The following GATA5 variants were observed in gnomAD, a reference collection of about 807,000 sequenced individuals.
GATA5 encodes GATA binding protein 5.
A neutral mutation model predicts 35.0 loss-of-function variants in GATA5; 27 were observed. The observed-to-expected ratio is 0.77, with a 90% CI of 0.57 to 1.06. The LOEUF (loss-of-function observed/expected upper bound fraction) is 1.06, where lower values mean the gene tolerates loss of function less well. Among genes scored for constraint, GATA5 ranks in the 50% least tolerant of loss-of-function variants. GATA5 has a pLI of 0.00. For synonymous variants in GATA5, 306 were observed against 267.8 expected, an observed-to-expected ratio of 1.14 and a Z score of -1.39; for missense variants, 612 against 580.0, an observed-to-expected ratio of 1.06 and a Z score of -0.57.
chr20:62,465,069 G>C lies in GATA5; in HGVS notation c.1039-78C>G, dbSNP rs113912772. 0.16 allele frequency: 157,700 copies of C among 975,770 alleles called. 20,096 individuals are homozygous for C. Among genetic ancestry groups the C allele is most frequent in the Middle Eastern group, 0.24 (729 of 3,088 alleles). 60.4% of individuals were successfully genotyped at this position (975,770 alleles called of 1,614,324 possible). The stretch of plus-strand genomic sequence containing the variant: ...GCTGGGGGAAGCTGCAGCCTCTTAG[G>C]TCAGGAGCTCCCATGACCGGTATTT... On this transcript the variant is annotated intron_variant, in intron 6 of 6. Coordinates refer to ENST00000252997, the MANE Select transcript of GATA5 (RefSeq NM_080473.5).
chr20:62,464,644 C>G lies in GATA5; in HGVS notation c.*192G>C. ...GGAAGCTGAGCCCTTCCCTCACCAGCCTTCTTGCTCTGGGGCCCGACTGCC... is the reference window on the plus strand; with the variant it reads ...GGAAGCTGAGCCCTTCCCTCACCAGGCTTCTTGCTCTGGGGCCCGACTGCC... On this transcript the variant is annotated 3_prime_UTR_variant, in exon 7 of 7. Coordinates refer to ENST00000252997, the MANE Select transcript of GATA5 (RefSeq NM_080473.5). The G allele has an allele frequency of 2.1e-6, 1 of 478,518 alleles. No homozygotes were observed. The highest frequency in any genetic ancestry group is 3.6e-6 in the Non-Finnish European group (1 of 277,486). 29.6% of individuals were successfully genotyped at this position (478,518 alleles called of 1,614,324 possible). A position where few individuals can be genotyped will look rare whatever the true frequency, so the allele number is the denominator to read the frequency against.
Position 62,464,851 on chromosome 20 carries a change from C to A in GATA5, c.1179G>T (p.Ala393=). ...GCCTGGGGACCTAGGCCAAGGCCAG[C>A]GCACACCAGGCCTCTTGGCGCAGAG... The part of the protein sequence containing the change: ...RGALRQEAWC[A]LALA Residue 393 remains alanine, a synonymous_variant, in exon 7 of 7, where the codon GCG becomes GCT. Coordinates refer to ENST00000252997, the MANE Select transcript of GATA5 (RefSeq NM_080473.5). 1 of 1,605,070 alleles carries A rather than the reference C, an allele frequency of 6.2e-7. No individual in the cohort carries two copies. Among genetic ancestry groups the A allele is most frequent in the Non-Finnish European group, 8.5e-7 (1 of 1,175,568 alleles).
At chr20:62,468,621 G>C (rs1555896305) in intron 3 of GATA5, among the ~76,000 whole-genome samples, 2 of 152,256 alleles carry the variant, frequency 1.3e-5, no homozygotes, top group Non-Finnish European at 2.9e-5. Flanking sequence ...CAAAGGGGCA[G>C]AAAGGAAAGG....
chr20:62,466,313 G>C, intron 4 of GATA5, 113 bp downstream of exon 4: 3 of 1,244,326 alleles, frequency 2.4e-6, no homozygotes, highest in Non-Finnish European at 3.3e-6. Flanking sequence ...CAGCCCAGGG[G>C]ACAATAGCCA....
intron 4 of GATA5, 118 bp downstream of exon 4, chr20:62,466,308 C>T: frequency 8.3e-7 from 1 of 1,208,194 alleles, no homozygotes; most frequent in South Asian, 1.5e-5. Flanking sequence ...TACAACAGCC[C>T]AGGGGACAAT....
chr20:62,466,960 G>C (rs1336288507), intron 3 of GATA5, among the ~76,000 whole-genome samples: 1 of 152,210 alleles, frequency 6.6e-6, no homozygotes, highest in East Asian at 1.9e-4. Context: ...CACAACAAGC[G>C]TCAGGGCCTG....
At position 62,464,935 on chromosome 20, in the gene GATA5, C is replaced by T; in HGVS notation, c.1095G>A (p.Glu365=). Residue 365 remains glutamate (E), a synonymous_variant, in exon 7 of 7, where the codon GAG becomes GAA. Coordinates refer to ENST00000252997, the MANE Select transcript of GATA5 (RefSeq NM_080473.5). ...LAPGHLEFKF[E]PEDFAFPSTA... Reference sequence around the variant, plus strand: ...TGGAGGGGAAGGCAAAGTCCTCAGGCTCGAACTTGAACTCCAAGTGGCCGG... The same window carrying T: ...TGGAGGGGAAGGCAAAGTCCTCAGGTTCGAACTTGAACTCCAAGTGGCCGG... The T allele has an allele frequency of 6.2e-7, 1 of 1,611,716 alleles. No homozygotes were observed. The highest frequency in any genetic ancestry group is 8.5e-7 in the Non-Finnish European group (1 of 1,179,322).
Position 62,465,007 on chromosome 20 carries a change from A to C in GATA5, c.1039-16T>G, listed in dbSNP as rs1253039034. On this transcript the variant is annotated splice_polypyrimidine_tract_variant and intron_variant, in intron 6 of 6. Transcript: ENST00000252997. The stretch of plus-strand genomic sequence containing the variant: ...GGCCAGAGGCCTGCAGGGACAGGAG[A>C]GCGTGAGAATGTGGGGTGGGGCGTG... The C allele has an allele frequency of 8.4e-7, 1 of 1,189,806 alleles. No homozygotes were observed. The highest frequency in any genetic ancestry group is 1.1e-6 in the Non-Finnish European group (1 of 912,390). The allele number at this position is 1,189,806 out of a possible 1,614,324, so 73.7% of individuals were successfully genotyped here.
At position 62,466,504 on chromosome 20, in the gene GATA5, G is replaced by T. The variant is rs150649875; in HGVS notation, c.747C>A (p.Thr249=). 2 of 1,566,946 alleles carry T rather than the reference G, an allele frequency of 1.3e-6. No individual in the cohort carries two copies. The highest frequency in any genetic ancestry group is 1.7e-6 in the Non-Finnish European group (2 of 1,155,992). Residue 249 remains threonine (T), a synonymous_variant, in exon 4 of 7, where the codon ACC becomes ACA. Coordinates refer to ENST00000252997, the MANE Select transcript of GATA5 (RefSeq NM_080473.5). ...AGTTCCGCCGCCACAGCGTGGTGTT[G>T]GTCGTGTGGCAGTTGGTGCAGCAGA... is the stretch of plus-strand genomic sequence containing the variant. The part of the protein sequence containing the change: ...AGLCCTNCHT[T]NTTLWRRNSE...
Position 62,465,449 on chromosome 20 carries a change from G to T in GATA5, c.929C>A (p.Ala310Asp). 1 of 1,608,514 alleles carries T rather than the reference G, an allele frequency of 6.2e-7. No homozygotes were observed. The change falls in exon 6 of 7, where the codon GCC becomes GAC. Residue 310 changes from alanine (A) to aspartate (D), a missense_variant. By Grantham distance (126) the Ala-to-Asp change is moderately radical (BLOSUM62 -2). Transcript: ENST00000252997. ...ARGSSGSTRN[A>D]SASPSAVAST... Reference sequence around the variant, plus strand: ...GGCGACAGCAGATGGGGAGGCCGAGGCATTCCTTGTGGATCCTGGAAGCGA... The same window carrying T: ...GGCGACAGCAGATGGGGAGGCCGAGTCATTCCTTGTGGATCCTGGAAGCGA...
intron 5 of GATA5, 68 bp downstream of exon 5, chr20:62,465,766 T>C: frequency 2.5e-6 from 3 of 1,218,578 alleles, no homozygotes; most frequent in African/African-American, 3.0e-5. Flanking sequence ...AGGTCTCTCA[T>C]GACGGAACTG....
At position 62,466,631 on chromosome 20, in the gene GATA5, C is replaced by T. The variant is rs6121610; in HGVS notation, c.700-80G>A. 436,094 of 1,481,768 alleles carry T rather than the reference C, an allele frequency of 0.29. 67,350 individuals carry two copies. The highest frequency in any genetic ancestry group is 0.45 in the African/African-American group (32,033 of 71,980). The allele number at this position is 1,481,768 out of a possible 1,614,324, so 91.8% of individuals were successfully genotyped here. A position where few individuals can be genotyped will look rare whatever the true frequency, so the allele number is the denominator to read the frequency against. On this transcript the variant is annotated intron_variant, in intron 3 of 6. Transcript: ENST00000252997. ...AGGGGGACGGAAGCGAGACTCAGGTCGGCCTTGCGGCCACGCAGGACCCGG... is the reference window on the plus strand; with the variant it reads ...AGGGGGACGGAAGCGAGACTCAGGTTGGCCTTGCGGCCACGCAGGACCCGG...
intron 3 of GATA5, among the ~76,000 whole-genome samples, chr20:62,469,874 C>CG (rs1278659130): frequency 3.3e-5 from 5 of 152,152 alleles, no homozygotes; most frequent in African/African-American, 1.2e-4. Context: ...TGGACAGAAC[C>CG]GCCCCCCTCG....
At chr20:62,469,325 G>A (rs1396027162) in intron 3 of GATA5, among the ~76,000 whole-genome samples, 4 of 152,228 alleles carry the variant, frequency 2.6e-5, no homozygotes, top group African/African-American at 9.6e-5. Flanking sequence ...GTGGCCTGGA[G>A]TTTATTTGCT....
chr20:62,465,699 C>T, intron 5 of GATA5, 135 bp downstream of exon 5: 1 of 871,012 alleles, frequency 1.1e-6, no homozygotes, highest in Non-Finnish European at 1.8e-6. Flanking sequence ...AAGGTCACCA[C>T]AGGGCAGAGC....
intron 3 of GATA5, among the ~76,000 whole-genome samples, chr20:62,472,658 C>G (rs969878075): frequency 1.3e-5 from 2 of 152,204 alleles, no homozygotes; most frequent in African/African-American, 4.8e-5. Context: ...TACAATTACT[C>G]GAAAGTAAAG....
chr20:62,465,995 T>A, intron 4 of GATA5, 74 bp from the exon 5 acceptor site: 4 of 1,045,422 alleles, frequency 3.8e-6, no homozygotes, highest in Non-Finnish European at 5.7e-6. Context: ...CACCCCCTCA[T>A]TCCAGCCCCC....
intron 3 of GATA5, among the ~76,000 whole-genome samples, chr20:62,467,976 A>AT (rs1989632809): frequency 2.7e-5 from 4 of 149,532 alleles, no homozygotes; most frequent in African/African-American, 1.0e-4. Context: ...CTATGAACAG[A>AT]CACAGCCAGC....
intron 3 of GATA5, among the ~76,000 whole-genome samples, chr20:62,469,482 C>T (rs1555896372): frequency 6.6e-6 from 1 of 152,214 alleles, no homozygotes; most frequent in Non-Finnish European, 1.5e-5. Context: ...GGTGCACACA[C>T]ATGAGCACAC....
Sources: allele counts gnomAD v4.1 joint callset (sites outside exome capture counted in the v4.1 genomes callset), GRCh38; gene constraint gnomAD v4.1.1; transcripts MANE v1.5; gene names NCBI Gene and HGNC (gene_info 2026-07-23, HGNC 2026-07-21).